THSD7B: variants seen among roughly 807,000 people sequenced by gnomAD.
THSD7B encodes thrombospondin type 1 domain containing 7B.
In THSD7B, 138 loss-of-function variants were observed where a neutral mutation model predicts 213.6. The observed-to-expected ratio is 0.65, with a 90% CI of 0.56 to 0.74. The LOEUF (loss-of-function observed/expected upper bound fraction) is 0.74. THSD7B is among the 30% of genes least tolerant of loss of function. The pLI is 0.00. For missense variants in THSD7B, 1,931 were observed against 1,991.5 expected (o/e 0.97, Z 0.58); for synonymous variants, 742 against 687.0 (o/e 1.08, Z -1.25).
chr2:137,010,040 C>T (rs1488705659), intron 2 of THSD7B, among the ~76,000 whole-genome samples: 4 of 152,150 alleles, frequency 2.6e-5, no homozygotes, highest in African/African-American at 9.7e-5. Flanking sequence ...TTCTTCCACC[C>T]TCACCCCCTC....
chr2:137,502,427 G>A (rs1336832053), intron 15 of THSD7B, among the ~76,000 whole-genome samples: 1 of 152,046 alleles, frequency 6.6e-6, no homozygotes, highest in East Asian at 1.9e-4. Context: ...GAAAAACAAC[G>A]AGAGGGAAAG....
At chr2:137,169,931 A>T (rs1210675213) in intron 6 of THSD7B, among the ~76,000 whole-genome samples, 1 of 152,214 alleles carries the variant, frequency 6.6e-6, no homozygotes, top group East Asian at 1.9e-4. Context: ...CATGATCTCT[A>T]AGGCCAAGAG....
At chr2:137,349,204 G>A (rs1684956115) in intron 12 of THSD7B, among the ~76,000 whole-genome samples, 2 of 151,656 alleles carry the variant, frequency 1.3e-5, no homozygotes, top group African/African-American at 4.8e-5. Context: ...GAAATCATAT[G>A]TAAGCAATCA....
In THSD7B at chr2:136,800,119, C is replaced by T. The variant is rs191771459; in HGVS notation, c.-36+34432C>T. On this transcript the variant is annotated intron_variant, in intron 1 of 27. Transcript: ENST00000409968. ...TTGTATATATTATAATTTAAAGAAACGCTAATTGGTTAGTATCTGAACCCT... is the reference window on the plus strand; with the variant it reads ...TTGTATATATTATAATTTAAAGAAATGCTAATTGGTTAGTATCTGAACCCT... Among the ~76,000 whole-genome samples, 60 of 151,958 alleles carry T rather than the reference C, an allele frequency of 3.9e-4. No individual in the cohort carries two copies. In the East Asian group the frequency reaches 8.9e-3, roughly 23 times the overall value.
chr2:137,655,415 G>T (rs10496784), intron 21 of THSD7B, 86 bp from the exon 22 acceptor site: 131,058 of 1,405,820 alleles, frequency 0.093, 6,649 homozygotes, highest in Middle Eastern at 0.14. Flanking sequence ...TGCAACTATG[G>T]TCTTCTTAGG....
chr2:137,092,794 T>C (rs969462678), intron 3 of THSD7B, among the ~76,000 whole-genome samples: 1 of 152,140 alleles, frequency 6.6e-6, no homozygotes, highest in African/African-American at 2.4e-5. Flanking sequence ...ACCACCACCA[T>C]GCCTTGCTAA....
chr2:137,671,098 A>C (rs149709803), intron 27 of THSD7B, among the ~76,000 whole-genome samples: 1 of 151,920 alleles, frequency 6.6e-6, no homozygotes, highest in Non-Finnish European at 1.5e-5. Context: ...TTTCCACCCA[A>C]GTTGTTTGCG....
chr2:137,128,087 T>C (rs938473192), intron 5 of THSD7B, among the ~76,000 whole-genome samples: 167 of 152,148 alleles, frequency 1.1e-3, no homozygotes, highest in African/African-American at 3.9e-3. Flanking sequence ...TTTCTTCCAT[T>C]GAACTAAAAT....
At chr2:137,557,982 G>C (rs1488221553) in intron 15 of THSD7B, among the ~76,000 whole-genome samples, 2 of 152,182 alleles carry the variant, frequency 1.3e-5, no homozygotes, top group East Asian at 1.9e-4. Flanking sequence ...ATAAATTCCT[G>C]GACACATATA....
intron 5 of THSD7B, among the ~76,000 whole-genome samples, chr2:137,118,118 G>C (rs557306423): frequency 2.5e-4 from 38 of 152,306 alleles, no homozygotes; most frequent in African/African-American, 8.9e-4. Flanking sequence ...GAATGAAAAC[G>C]TAGAGAGCTA....
intron 2 of THSD7B, among the ~76,000 whole-genome samples, chr2:136,940,482 T>A (rs956006281): frequency 8.5e-5 from 11 of 129,996 alleles, no homozygotes; most frequent in Admixed American, 1.4e-4. Flanking sequence ...AGTTTGATAA[T>A]TTTTTTTTCC....
intron 2 of THSD7B, among the ~76,000 whole-genome samples, chr2:136,985,188 A>G (rs1039884903): frequency 6.6e-6 from 1 of 152,158 alleles, no homozygotes; most frequent in Admixed American, 6.5e-5. Context: ...TGGAGCAACT[A>G]CTTGCTAGAG....
chr2:136,889,280 T>C (rs962082774), intron 2 of THSD7B, among the ~76,000 whole-genome samples: 1 of 152,194 alleles, frequency 6.6e-6, no homozygotes, highest in Non-Finnish European at 1.5e-5. Flanking sequence ...TTCCAGTTCA[T>C]TTACATAAAG....
At chr2:136,850,750 T>G (rs901493857) in intron 1 of THSD7B, among the ~76,000 whole-genome samples, 4 of 152,004 alleles carry the variant, frequency 2.6e-5, no homozygotes, top group African/African-American at 7.2e-5. Flanking sequence ...TTAATTATAG[T>G]TTTAATTTAA....
intron 1 of THSD7B, among the ~76,000 whole-genome samples, chr2:136,785,148 A>G (rs1392835434): frequency 6.6e-6 from 1 of 152,112 alleles, no homozygotes; most frequent in Non-Finnish European, 1.5e-5. Context: ...GCTCCTGGGT[A>G]TTGTCAAGCC....
intron 4 of THSD7B, among the ~76,000 whole-genome samples, chr2:137,103,717 A>AT (rs988590887): frequency 6.6e-6 from 1 of 152,124 alleles, no homozygotes; most frequent in Non-Finnish European, 1.5e-5. Flanking sequence ...GAAAAAAAAA[A>AT]GAAGCAGGGG....
At chr2:137,355,709 A>G (rs1298181477) in intron 12 of THSD7B, among the ~76,000 whole-genome samples, 2 of 152,204 alleles carry the variant, frequency 1.3e-5, no homozygotes, top group African/African-American at 2.4e-5. Context: ...CAAGGAAGGC[A>G]AACTGCTTAG....
At chr2:137,404,474 T>TACATACACAC (rs1686457828) in intron 12 of THSD7B, among the ~76,000 whole-genome samples, 1 of 40,262 alleles carries the variant, frequency 2.5e-5, no homozygotes, top group African/African-American at 1.3e-4. Flanking sequence ...TATATATATA[T>TACATACACAC]ACACACACAC....
chr2:137,088,020 G>T (rs532490800), intron 3 of THSD7B, among the ~76,000 whole-genome samples: 63 of 152,104 alleles, frequency 4.1e-4, no homozygotes, highest in Middle Eastern at 3.4e-3. Flanking sequence ...CAGGTGGATT[G>T]CCTGAGTTCA....
Sources: gnomAD v4.1 joint callset for allele counts (sites outside exome capture counted in the v4.1 genomes callset) on GRCh38, gnomAD v4.1.1 for gene constraint, MANE v1.5 for transcripts, NCBI Gene and HGNC (gene_info 2026-07-23, HGNC 2026-07-21) for gene names.